The following LDB2 variants were observed in gnomAD, a reference collection of about 807,000 sequenced individuals.
LDB2 encodes the protein LIM domain-binding protein 2.
A neutral mutation model predicts 44.3 loss-of-function variants in LDB2; 12 were observed. That is an observed-to-expected ratio of 0.27 (90% CI 0.17 to 0.44). The LOEUF (loss-of-function observed/expected upper bound fraction) is 0.44. Among genes scored for constraint, LDB2 ranks in the 20% least tolerant of loss-of-function variants. The pLI is 1.00. For synonymous variants in LDB2, 164 were observed against 174.8 expected (o/e 0.94, Z 0.49); for missense variants, 344 against 473.5 (o/e 0.73, Z 2.54).
At chr4:16,564,524 T>C (rs1030466789) in intron 5 of LDB2, among the ~76,000 whole-genome samples, 3 of 152,244 alleles carry the variant, frequency 2.0e-5, no homozygotes, top group African/African-American at 7.2e-5. Context: ...GGCATCATTG[T>C]CACCCCCATC....
chr4:16,544,238 C>G (rs1734905914), intron 5 of LDB2, among the ~76,000 whole-genome samples: 1 of 152,070 alleles, frequency 6.6e-6, no homozygotes, highest in African/African-American at 2.4e-5. Flanking sequence ...CCCTATGAAC[C>G]CTGTGAACAA....
chr4:16,845,819 C>G (rs1453941786), intron 1 of LDB2, among the ~76,000 whole-genome samples: 1 of 152,028 alleles, frequency 6.6e-6, no homozygotes, highest in Non-Finnish European at 1.5e-5. Flanking sequence ...AAGAAATGAG[C>G]TAATAAGCCT....
intron 7 of LDB2, chr4:16,505,840 C>A: frequency 6.5e-7 from 1 of 1,545,902 alleles, no homozygotes. Flanking sequence ...GACCACCAAC[C>A]TCTGAGGAGG....
chr4:16,572,460 T>C (rs933376252), intron 5 of LDB2, among the ~76,000 whole-genome samples: 1 of 152,222 alleles, frequency 6.6e-6, no homozygotes, highest in Non-Finnish European at 1.5e-5. Flanking sequence ...AGGCCCTATT[T>C]GTACACTTAA....
At chr4:16,560,463 C>G (rs1368181589) in intron 5 of LDB2, among the ~76,000 whole-genome samples, 2 of 152,160 alleles carry the variant, frequency 1.3e-5, no homozygotes, top group Non-Finnish European at 2.9e-5. Flanking sequence ...ACTAGAAAAT[C>G]TAGAAGAAAT....
At chr4:16,802,253 C>T (rs933547979) in intron 1 of LDB2, among the ~76,000 whole-genome samples, 4 of 152,186 alleles carry the variant, frequency 2.6e-5, no homozygotes, top group East Asian at 1.9e-4. Context: ...AGACCCACCC[C>T]GCCTCAGGGG....
intron 2 of LDB2, among the ~76,000 whole-genome samples, chr4:16,623,217 G>GAAAA (rs1271861664): frequency 6.6e-6 from 1 of 152,040 alleles, no homozygotes; most frequent in Admixed American, 6.5e-5. Context: ...AGCTAGAGGA[G>GAAAA]AAAAAAGAAC....
intron 2 of LDB2, among the ~76,000 whole-genome samples, chr4:16,745,597 A>G (rs2109055766): frequency 6.6e-6 from 1 of 152,328 alleles, no homozygotes; most frequent in Non-Finnish European, 1.5e-5. Flanking sequence ...CCCTGAAAAC[A>G]CAGAGAGTTA....
At chr4:16,806,856 C>T (rs1778888636) in intron 1 of LDB2, among the ~76,000 whole-genome samples, 1 of 151,898 alleles carries the variant, frequency 6.6e-6, no homozygotes, top group Non-Finnish European at 1.5e-5. Context: ...TTCTTGTTCT[C>T]ATTTTCTCAT....
chr4:16,766,032 A>T (rs1769126302), intron 1 of LDB2, among the ~76,000 whole-genome samples: 1 of 152,054 alleles, frequency 6.6e-6, no homozygotes. Context: ...TATGATGAAG[A>T]CTCATGGGCC....
intron 1 of LDB2, among the ~76,000 whole-genome samples, chr4:16,782,116 T>C (rs1199251453): frequency 6.6e-6 from 1 of 152,154 alleles, no homozygotes; most frequent in Non-Finnish European, 1.5e-5. Context: ...CTGAATTCCA[T>C]ACTATTCCAA....
chr4:16,598,183 G>A (rs903611645), intron 2 of LDB2, among the ~76,000 whole-genome samples: 4 of 152,210 alleles, frequency 2.6e-5, no homozygotes, highest in Non-Finnish European at 5.9e-5. Context: ...GTGATCTGCT[G>A]TAATCAACTG....
chr4:16,761,156 A>C (rs2109232805), intron 1 of LDB2, among the ~76,000 whole-genome samples: 1 of 152,316 alleles, frequency 6.6e-6, no homozygotes, highest in East Asian at 1.9e-4. Flanking sequence ...GAAGCTGCTC[A>C]TATTATCTCT....
intron 2 of LDB2, among the ~76,000 whole-genome samples, chr4:16,637,289 G>A (rs1311679636): frequency 7.4e-6 from 1 of 134,356 alleles, no homozygotes; most frequent in African/African-American, 2.8e-5. Context: ...GGAAGTTCTT[G>A]CCTAGGCTGA....
intron 2 of LDB2, among the ~76,000 whole-genome samples, chr4:16,637,957 G>T (rs925927644): frequency 6.6e-6 from 1 of 152,220 alleles, no homozygotes; most frequent in Non-Finnish European, 1.5e-5. Context: ...CAGCAGGACA[G>T]CTTGAGCAAG....
At chr4:16,609,056 C>A in intron 2 of LDB2, among the ~76,000 whole-genome samples, 1 of 152,156 alleles carries the variant, frequency 6.6e-6, no homozygotes, top group East Asian at 1.9e-4. Context: ...TATCCATGTT[C>A]TCTCATCAAA....
intron 5 of LDB2, among the ~76,000 whole-genome samples, chr4:16,548,470 A>G (rs1736537339): frequency 6.6e-6 from 1 of 152,204 alleles, no homozygotes; most frequent in Admixed American, 6.5e-5. Context: ...ACTGCCCTGC[A>G]AGCTGAAGGG....
At chr4:16,797,375 C>T (rs1272613935) in intron 1 of LDB2, among the ~76,000 whole-genome samples, 5 of 152,094 alleles carry the variant, frequency 3.3e-5, no homozygotes, top group East Asian at 1.9e-4. Flanking sequence ...ATCATACTAA[C>T]GTAAGATCTT....
intron 6 of LDB2, among the ~76,000 whole-genome samples, chr4:16,509,992 G>C (rs1420964657): frequency 6.6e-6 from 1 of 152,152 alleles, no homozygotes; most frequent in Non-Finnish European, 1.5e-5. Flanking sequence ...ATACGCACCA[G>C]GGGTCCCAGA....
Sources: allele counts gnomAD v4.1 joint callset (sites outside exome capture counted in the v4.1 genomes callset), GRCh38; gene constraint gnomAD v4.1.1; transcripts MANE v1.5; gene names NCBI Gene and HGNC (gene_info 2026-07-23, HGNC 2026-07-21).